Variants in ZZZ3 observed in about 807,000 individuals in gnomAD.
ZZZ3 encodes the protein zinc finger ZZ-type containing 3.
A neutral mutation model predicts 95.2 loss-of-function variants in ZZZ3; 22 were observed. The ratio of observed to expected loss-of-function variants is 0.23; its 90% confidence interval spans 0.17 to 0.33. The LOEUF (loss-of-function observed/expected upper bound fraction) is 0.33, where lower values mean the gene tolerates loss of function less well. Among genes scored for constraint, ZZZ3 ranks in the 10% least tolerant of loss-of-function variants. The pLI is 1.00. For missense variants in ZZZ3, 885 were observed against 1,066.5 expected (o/e 0.83, Z 2.37); for synonymous variants, 335 against 358.9 (o/e 0.93, Z 0.75).
At chr1:77,661,818 G>C (rs1292182520) in intron 1 of ZZZ3, among the ~76,000 whole-genome samples, 1 of 151,906 alleles carries the variant, frequency 6.6e-6, no homozygotes, top group Non-Finnish European at 1.5e-5. Context: ...TGCTAACAAG[G>C]AATTTTTTTT....
intron 1 of ZZZ3, among the ~76,000 whole-genome samples, chr1:77,668,170 T>A (rs1037722956): frequency 2.0e-5 from 3 of 152,236 alleles, no homozygotes; most frequent in African/African-American, 7.2e-5. Flanking sequence ...ATGGAATTTT[T>A]TTTGTAATTT....
chr1:77,562,783 A>C lies in ZZZ3; in HGVS notation c.*2857T>G, dbSNP rs1660522340. 1 of 152,346 alleles carries C rather than the reference A, an allele frequency of 6.6e-6. No individual in the cohort carries two copies. Among genetic ancestry groups the C allele is most frequent in the African/African-American group, 2.4e-5 (1 of 41,434 alleles). The allele number at this position is 152,346 out of a possible 1,614,324, so 9.4% of individuals were successfully genotyped here. ...CACCACATCAGGAAAACAGAATGTA[A>C]GGCAACATCTGCACACCTCCACTCC... On this transcript the variant is annotated 3_prime_UTR_variant, in exon 15 of 15. Coordinates refer to ENST00000370801, the MANE Select transcript of ZZZ3 (RefSeq NM_015534.6).
chr1:77,572,949 T>C (rs1163519397), intron 12 of ZZZ3, among the ~76,000 whole-genome samples: 1 of 151,898 alleles, frequency 6.6e-6, no homozygotes, highest in Non-Finnish European at 1.5e-5. Context: ...CCTAGCCAAA[T>C]TGTACTTTTT....
At chr1:77,669,454 GTTT>G (rs11432486) in intron 1 of ZZZ3, among the ~76,000 whole-genome samples, 1 of 131,320 alleles carries the variant, frequency 7.6e-6, no homozygotes, top group African/African-American at 2.9e-5. Flanking sequence ...TTCTTTCTCA[GTTT>G]TTTTTTTTTT....
chr1:77,629,917 G>T (rs1391484732), intron 5 of ZZZ3, among the ~76,000 whole-genome samples: 1 of 152,142 alleles, frequency 6.6e-6, no homozygotes, highest in East Asian at 1.9e-4. Flanking sequence ...TCAATGTTAT[G>T]ACTGTATCTT....
chr1:77,610,263 C>T (rs1343130346), intron 5 of ZZZ3, among the ~76,000 whole-genome samples: 1 of 151,762 alleles, frequency 6.6e-6, no homozygotes, highest in African/African-American at 2.4e-5. Flanking sequence ...AAGACTAAGC[C>T]ATGAAAAAAT....
chr1:77,661,574 G>T (rs376765813), intron 1 of ZZZ3, among the ~76,000 whole-genome samples: 1 of 152,076 alleles, frequency 6.6e-6, no homozygotes, highest in African/African-American at 2.4e-5. Flanking sequence ...AATGATTAAG[G>T]GCATTGCAGT....
At chr1:77,639,639 A>T (rs1203877450) in intron 3 of ZZZ3, 37 bp from the exon 4 acceptor site, 3 of 430,238 alleles carry the variant, frequency 7.0e-6, no homozygotes, top group Non-Finnish European at 8.0e-6. Context: ...GGATTAAAGA[A>T]GATGATGAAC....
At chr1:77,580,938 C>T in intron 9 of ZZZ3, 60 bp downstream of exon 9, 1 of 1,433,330 alleles carries the variant, frequency 7.0e-7, no homozygotes, top group Non-Finnish European at 9.8e-7. Flanking sequence ...ATAATACTGA[C>T]TCTGATGTTA....
chr1:77,609,440 T>C (rs1324487858), intron 5 of ZZZ3, among the ~76,000 whole-genome samples: 1 of 152,142 alleles, frequency 6.6e-6, no homozygotes, highest in Non-Finnish European at 1.5e-5. Flanking sequence ...CAGTAACAGC[T>C]GGAGATTTCA....
chr1:77,643,398 T>A (rs570037706), intron 1 of ZZZ3, among the ~76,000 whole-genome samples: 2 of 152,340 alleles, frequency 1.3e-5, no homozygotes, highest in African/African-American at 4.8e-5. Context: ...TACACAGTAA[T>A]TTTTTCATTT....
At chr1:77,644,442 A>G (rs2100922902) in intron 1 of ZZZ3, among the ~76,000 whole-genome samples, 1 of 152,366 alleles carries the variant, frequency 6.6e-6, no homozygotes, top group African/African-American at 2.4e-5. Context: ...CATTTGGTAC[A>G]ATAATCAAAG....
chr1:77,647,098 G>A (rs114881163), intron 1 of ZZZ3, among the ~76,000 whole-genome samples: 120 of 152,236 alleles, frequency 7.9e-4, no homozygotes, highest in African/African-American at 2.7e-3. Context: ...TAGTTTATAG[G>A]GTTACTAATG....
At chr1:77,589,981 A>AAAAACT (rs1404475936) in intron 5 of ZZZ3, among the ~76,000 whole-genome samples, 1 of 152,232 alleles carries the variant, frequency 6.6e-6, no homozygotes, top group Non-Finnish European at 1.5e-5. Flanking sequence ...TGTAATCTAA[A>AAAAACT]AAAACTAATG....
intron 5 of ZZZ3, among the ~76,000 whole-genome samples, chr1:77,604,917 G>C (rs756504009): frequency 6.6e-6 from 1 of 152,072 alleles, no homozygotes. Flanking sequence ...GCAAAGTGTA[G>C]GAGAAAATGT....
At chr1:77,672,256 A>G (rs1671856262) in intron 1 of ZZZ3, among the ~76,000 whole-genome samples, 1 of 152,184 alleles carries the variant, frequency 6.6e-6, no homozygotes, top group African/African-American at 2.4e-5. Context: ...AGGGAACTAT[A>G]AAGTTACAAG....
chr1:77,649,850 G>A (rs184713923), intron 1 of ZZZ3, among the ~76,000 whole-genome samples: 2 of 150,962 alleles, frequency 1.3e-5, no homozygotes, highest in African/African-American at 2.4e-5. Flanking sequence ...TCCAGCCTGG[G>A]CAACGAGAAC....
intron 1 of ZZZ3, among the ~76,000 whole-genome samples, chr1:77,658,212 C>G (rs1402126113): frequency 3.5e-5 from 5 of 144,196 alleles, no homozygotes; most frequent in Non-Finnish European, 7.5e-5. Context: ...ACACAACATA[C>G]TAGTGTATTC....
intron 1 of ZZZ3, among the ~76,000 whole-genome samples, chr1:77,662,001 G>A (rs1226877263): frequency 7.3e-6 from 1 of 136,286 alleles, no homozygotes; most frequent in Non-Finnish European, 1.6e-5. Flanking sequence ...TTTTTTACTT[G>A]GTTTTTCTGT....
Sources: allele counts gnomAD v4.1 joint callset (sites outside exome capture counted in the v4.1 genomes callset), GRCh38; gene constraint gnomAD v4.1.1; transcripts MANE v1.5; gene names NCBI Gene and HGNC (gene_info 2026-07-23, HGNC 2026-07-21).